The following MCTP1 variants were observed in gnomAD, a reference collection of about 807,000 sequenced individuals.
MCTP1 encodes the protein multiple C2 and transmembrane domain-containing protein 1.
MCTP1 carries 69 observed loss-of-function variants against 120.6 expected under a neutral mutation model. The observed-to-expected ratio is 0.57, with a 90% CI of 0.47 to 0.70. The LOEUF is 0.70. MCTP1 is among the 30% of genes least tolerant of loss of function. MCTP1 has a pLI of 0.00. For synonymous variants in MCTP1, 529 were observed against 493.1 expected, an observed-to-expected ratio of 1.07 and a Z score of -0.96; for missense variants, 1,203 against 1,248.8, an observed-to-expected ratio of 0.96 and a Z score of 0.55.
At chr5:95,048,812 G>C (rs1745190058) in intron 1 of MCTP1, among the ~76,000 whole-genome samples, 1 of 152,160 alleles carries the variant, frequency 6.6e-6, no homozygotes, top group Non-Finnish European at 1.5e-5. Context: ...GATTTGGAGA[G>C]AGGAAGGAAG....
intron 19 of MCTP1, among the ~76,000 whole-genome samples, chr5:94,719,827 TAAAATA>T (rs923394316): frequency 2.6e-5 from 4 of 152,176 alleles, no homozygotes; most frequent in African/African-American, 9.7e-5. Context: ...TCCCAGAACT[TAAAATA>T]TAATTAAAAT....
intron 1 of MCTP1, among the ~76,000 whole-genome samples, chr5:95,163,592 A>G (rs558939683): frequency 2.0e-5 from 3 of 152,338 alleles, no homozygotes; most frequent in African/African-American, 7.2e-5. Flanking sequence ...TAGTATATAC[A>G]ATATTTAAAT....
intron 2 of MCTP1, among the ~76,000 whole-genome samples, chr5:94,955,852 A>T (rs1191771142): frequency 6.6e-6 from 1 of 152,226 alleles, no homozygotes; most frequent in African/African-American, 2.4e-5. Flanking sequence ...CAGCAGACTT[A>T]AAAGTTCCTG....
intron 3 of MCTP1, among the ~76,000 whole-genome samples, chr5:94,952,192 A>AAAAAAAAAAAAAAAAAC (rs1561912862): frequency 7.0e-6 from 1 of 143,410 alleles, no homozygotes; most frequent in Non-Finnish European, 1.5e-5. Flanking sequence ...AAAAAAAAAA[A>AAAAAAAAAAAAAAAAAC]AGCTATTGAA....
chr5:95,083,102 G>T (rs896889772), intron 1 of MCTP1, among the ~76,000 whole-genome samples: 1 of 152,062 alleles, frequency 6.6e-6, no homozygotes, highest in Non-Finnish European at 1.5e-5. Flanking sequence ...TATTGACATG[G>T]TCATCAATAC....
intron 1 of MCTP1, among the ~76,000 whole-genome samples, chr5:95,181,820 A>T (rs1003524933): frequency 2.6e-5 from 4 of 152,178 alleles, no homozygotes; most frequent in East Asian, 1.9e-4. Flanking sequence ...GTGCATAATG[A>T]TCAGTAACTA....
At chr5:94,768,607 TACAA>T (rs1773353700) in intron 19 of MCTP1, among the ~76,000 whole-genome samples, 1 of 152,088 alleles carries the variant, frequency 6.6e-6, no homozygotes, top group Admixed American at 6.5e-5. Context: ...AAAGAAGACA[TACAA>T]ATGGCTAACA....
intron 1 of MCTP1, among the ~76,000 whole-genome samples, chr5:95,256,454 G>C (rs1321945298): frequency 6.6e-6 from 1 of 152,144 alleles, no homozygotes; most frequent in Non-Finnish European, 1.5e-5. Flanking sequence ...AGCTGGAAGG[G>C]AAAAGTCAGA....
chr5:95,243,608 T>C (rs918494229), intron 1 of MCTP1, among the ~76,000 whole-genome samples: 2 of 152,094 alleles, frequency 1.3e-5, no homozygotes, highest in African/African-American at 4.8e-5. Context: ...GAAAAGAAAA[T>C]TCTGGCTCTA....
chr5:94,863,499 G>T lies in MCTP1; in HGVS notation c.2436+4834C>A, dbSNP rs529119170. ...TAAAGTGACCTTCAATATGTTCAAT[G>T]TAATTATCCTACATTTCATTGTGCC... is the stretch of plus-strand genomic sequence containing the variant. On this transcript the variant is annotated intron_variant, in intron 17 of 22. Transcript: ENST00000515393. Among the ~76,000 whole-genome samples, 181 of 151,890 alleles carry T rather than the reference G, an allele frequency of 1.2e-3. 2 individuals carry two copies. Among genetic ancestry groups the T allele is most frequent in the Admixed American group, 0.012 (177 of 15,220 alleles).
intron 11 of MCTP1, among the ~76,000 whole-genome samples, chr5:94,891,174 G>T (rs919346636): frequency 6.6e-6 from 1 of 151,782 alleles, no homozygotes; most frequent in Non-Finnish European, 1.5e-5. Context: ...TTAGCATGAG[G>T]ATTAACTGTT....
intron 2 of MCTP1, 48 bp from the exon 3 acceptor site, chr5:94,953,409 A>G (rs745898560): frequency 3.3e-5 from 48 of 1,455,070 alleles, no homozygotes; most frequent in Non-Finnish European, 4.0e-5. Context: ...TTGGTTTGGA[A>G]GCAAGAGAAC....
chr5:95,225,346 T>C (rs1413198323), intron 1 of MCTP1, among the ~76,000 whole-genome samples: 2 of 152,156 alleles, frequency 1.3e-5, no homozygotes, highest in Non-Finnish European at 2.9e-5. Flanking sequence ...GTTAGAATAA[T>C]TCAGCTGATT....
chr5:94,800,331 A>G (rs1005909215), intron 17 of MCTP1, among the ~76,000 whole-genome samples: 1 of 152,170 alleles, frequency 6.6e-6, no homozygotes, highest in African/African-American at 2.4e-5. Context: ...TAGCTGAACC[A>G]TAGCGTAACT....
At chr5:94,891,490 T>C (rs2153393651) in intron 11 of MCTP1, among the ~76,000 whole-genome samples, 1 of 152,310 alleles carries the variant, frequency 6.6e-6, no homozygotes, top group Middle Eastern at 3.4e-3. Context: ...GCTTTAATTT[T>C]CAGAGGCAAT....
intron 9 of MCTP1, among the ~76,000 whole-genome samples, chr5:94,909,788 G>T (rs1261114489): frequency 6.6e-6 from 1 of 152,066 alleles, no homozygotes; most frequent in Non-Finnish European, 1.5e-5. Context: ...AGGATTTTCA[G>T]AGTTTGTTTT....
At chr5:95,210,997 T>C (rs530255371) in intron 1 of MCTP1, among the ~76,000 whole-genome samples, 1,779 of 152,126 alleles carry the variant, frequency 0.012, 28 homozygotes, top group African/African-American at 0.04. Flanking sequence ...ATGTTGAATA[T>C]TGGCCCCCAC....
At chr5:95,052,202 G>A (rs1487921867) in intron 1 of MCTP1, among the ~76,000 whole-genome samples, 1 of 152,060 alleles carries the variant, frequency 6.6e-6, no homozygotes, top group Non-Finnish European at 1.5e-5. Context: ...CCGCTTTCTG[G>A]GTAAGTCTTA....
chr5:94,949,983 C>A (rs147827034), intron 3 of MCTP1, among the ~76,000 whole-genome samples: 1 of 151,754 alleles, frequency 6.6e-6, no homozygotes, highest in Non-Finnish European at 1.5e-5. Flanking sequence ...TTGATTCTTC[C>A]CCTAAGATGA....
Sources: allele counts gnomAD v4.1 joint callset (sites outside exome capture counted in the v4.1 genomes callset), GRCh38; gene constraint gnomAD v4.1.1; transcripts MANE v1.5; gene names NCBI Gene and HGNC (gene_info 2026-07-23, HGNC 2026-07-21).